Variants in PDE4D observed in about 807,000 individuals in gnomAD.
The protein encoded by PDE4D is phosphodiesterase 4D.
In PDE4D, 24 loss-of-function variants were observed where a neutral mutation model predicts 87.4. The ratio of observed to expected loss-of-function variants is 0.27; its 90% CI spans 0.20 to 0.39. PDE4D has a LOEUF of 0.39. Among genes scored for constraint, PDE4D ranks in the 10% least tolerant of loss-of-function variants. The pLI, the probability that PDE4D is intolerant of heterozygous loss-of-function variation, is 1.00. For missense variants in PDE4D, 714 were observed against 1,041.0 expected, an observed-to-expected ratio of 0.69 and a Z score of 4.32; for synonymous variants, 384 against 383.2, an observed-to-expected ratio of 1.00 and a Z score of -0.02.
chr5:60,494,585 C>T (rs575602740), intron 1 of PDE4D, among the ~76,000 whole-genome samples: 4 of 152,296 alleles, frequency 2.6e-5, no homozygotes, highest in East Asian at 3.9e-4. Flanking sequence ...GAATAGTCTC[C>T]CTGGGCTCCC....
chr5:59,163,747 C>T lies in PDE4D; in HGVS notation c.808+16848G>A, dbSNP rs1180660836. ...TCAGAGTGGCAACTGGGGTATATTC[C>T]TATTTTCCCATATTTTAAATCTGCT... is the stretch of plus-strand genomic sequence containing the variant. On this transcript the variant is annotated intron_variant, in intron 5 of 14. Transcript: ENST00000340635. Among the ~76,000 whole-genome samples, 5 of 152,270 alleles carry T rather than the reference C, an allele frequency of 3.3e-5. No homozygotes were observed. The East Asian group carries it at 5.8e-4, about 18-fold the overall frequency.
At chr5:60,217,757 A>C (rs973229047) in intron 1 of PDE4D, among the ~76,000 whole-genome samples, 1 of 151,998 alleles carries the variant, frequency 6.6e-6, no homozygotes, top group Non-Finnish European at 1.5e-5. Context: ...AGTATTTCAT[A>C]TAACAGGTTC....
intron 1 of PDE4D, among the ~76,000 whole-genome samples, chr5:59,328,057 C>T (rs2153575288): frequency 6.6e-6 from 1 of 152,160 alleles, no homozygotes; most frequent in South Asian, 2.1e-4. Context: ...GTCCAAGATC[C>T]AAAAGTGAAG....
intron 1 of PDE4D, among the ~76,000 whole-genome samples, chr5:59,461,402 G>T (rs981713692): frequency 2.0e-5 from 3 of 151,764 alleles, no homozygotes; most frequent in African/African-American, 7.3e-5. Context: ...AAAAATAAAA[G>T]AAACATCAAA....
chr5:60,053,626 C>T (rs1227249622), intron 2 of PDE4D, among the ~76,000 whole-genome samples: 2 of 152,130 alleles, frequency 1.3e-5, no homozygotes, highest in Non-Finnish European at 2.9e-5. Context: ...TGGACATAGG[C>T]CTGGCCAAAG....
intron 1 of PDE4D, among the ~76,000 whole-genome samples, chr5:60,277,589 A>G (rs1160297784): frequency 1.3e-5 from 2 of 152,140 alleles, no homozygotes; most frequent in Non-Finnish European, 2.9e-5. Context: ...TACATCATAT[A>G]CTGAAATTTT....
At chr5:59,435,519 T>C (rs1291860295) in intron 1 of PDE4D, among the ~76,000 whole-genome samples, 1 of 152,144 alleles carries the variant, frequency 6.6e-6, no homozygotes, top group Non-Finnish European at 1.5e-5. Context: ...GCGTAATCTC[T>C]TCCAAAAAAC....
intron 2 of PDE4D, among the ~76,000 whole-genome samples, chr5:60,015,889 C>CT (rs746017066): frequency 0.041 from 5,671 of 137,622 alleles, 291 homozygotes; most frequent in African/African-American, 0.12. Context: ...TGAACCAATT[C>CT]TTTTTTTTTT....
chr5:59,262,847 T>C (rs1762259054), intron 1 of PDE4D, among the ~76,000 whole-genome samples: 1 of 151,960 alleles, frequency 6.6e-6, no homozygotes, highest in African/African-American at 2.4e-5. Context: ...AGCATTTCTA[T>C]ATGCACTACT....
intron 2 of PDE4D, among the ~76,000 whole-genome samples, chr5:60,002,789 G>A (rs944073708): frequency 6.6e-5 from 10 of 152,122 alleles, no homozygotes; most frequent in Middle Eastern, 3.4e-3. Flanking sequence ...GACAATAAAC[G>A]CCATATTTGA....
At chr5:60,268,190 A>G (rs1750427498) in intron 1 of PDE4D, among the ~76,000 whole-genome samples, 1 of 152,204 alleles carries the variant, frequency 6.6e-6, no homozygotes, top group South Asian at 2.1e-4. Context: ...TGATGGAAGA[A>G]AACAAACATT....
chr5:60,181,154 T>C (rs1198520822), intron 2 of PDE4D, among the ~76,000 whole-genome samples: 1 of 152,124 alleles, frequency 6.6e-6, no homozygotes, highest in African/African-American at 2.4e-5. Context: ...AGGAAGACAC[T>C]AAAAAATGCA....
At chr5:60,363,226 T>C (rs1760229964) in intron 1 of PDE4D, among the ~76,000 whole-genome samples, 1 of 152,238 alleles carries the variant, frequency 6.6e-6, no homozygotes, top group African/African-American at 2.4e-5. Flanking sequence ...TACCATTAGA[T>C]TATCATACAG....
intron 5 of PDE4D, among the ~76,000 whole-genome samples, chr5:59,094,090 C>T (rs887187864): frequency 2.0e-5 from 3 of 151,498 alleles, no homozygotes; most frequent in Non-Finnish European, 4.4e-5. Flanking sequence ...TGGTGGCATG[C>T]TCCTGTAGTC....
intron 4 of PDE4D, among the ~76,000 whole-genome samples, chr5:59,181,952 G>A (rs890941919): frequency 2.0e-5 from 3 of 152,048 alleles, no homozygotes; most frequent in Admixed American, 6.6e-5. Flanking sequence ...TTAGCAGGGT[G>A]GGGGAAAGTT....
At chr5:59,863,826 G>C (rs1419732786) in intron 1 of PDE4D, among the ~76,000 whole-genome samples, 16 of 151,968 alleles carry the variant, frequency 1.1e-4, no homozygotes. Context: ...GTGACGAGGG[G>C]AGCCCTTTTG....
chr5:59,605,372 G>A (rs962771583), intron 1 of PDE4D, among the ~76,000 whole-genome samples: 14 of 151,862 alleles, frequency 9.2e-5, no homozygotes, highest in African/African-American at 2.9e-4. Flanking sequence ...TAATAAATTT[G>A]TTATTTCTAG....
intron 1 of PDE4D, among the ~76,000 whole-genome samples, chr5:59,225,841 A>T (rs1279696273): frequency 6.6e-6 from 1 of 152,038 alleles, no homozygotes; most frequent in East Asian, 1.9e-4. Context: ...AATTAAAAAA[A>T]CCCAATGAAA....
chr5:60,049,914 G>T (rs1259533469), intron 2 of PDE4D, among the ~76,000 whole-genome samples: 3 of 152,236 alleles, frequency 2.0e-5, no homozygotes, highest in Admixed American at 6.5e-5. Flanking sequence ...CTTCCTGGCT[G>T]CTTTGTTTAC....
Sources: allele counts gnomAD v4.1 joint callset (sites outside exome capture counted in the v4.1 genomes callset), GRCh38; gene constraint gnomAD v4.1.1; transcripts MANE v1.5; gene names NCBI Gene and HGNC (gene_info 2026-07-23, HGNC 2026-07-21).